GLIS3: variants seen among roughly 807,000 people sequenced by gnomAD.
The protein encoded by GLIS3 is GLIS family zinc finger 3.
In GLIS3, 53 loss-of-function variants were observed where a neutral mutation model predicts 78.6. The observed-to-expected ratio is 0.67, with a 90% CI of 0.54 to 0.85. GLIS3 has a LOEUF of 0.85. GLIS3 is among the 40% of genes least tolerant of loss of function. GLIS3 has a pLI of 0.00. For synonymous variants in GLIS3, 684 were observed against 509.9 expected (o/e 1.34, Z -4.60); for missense variants, 1,703 against 1,231.1 (o/e 1.38, Z -5.74).
At chr9:4,067,959 T>C (rs1429826867) in intron 4 of GLIS3, among the ~76,000 whole-genome samples, 1 of 152,124 alleles carries the variant, frequency 6.6e-6, no homozygotes, top group Non-Finnish European at 1.5e-5. Flanking sequence ...TCATCATTCT[T>C]GGGTAAAGAT....
chr9:4,113,506 T>C lies in GLIS3; in HGVS notation c.1710+4262A>G, dbSNP rs756974951. ...TTATTGATACTTGGTATTATGATAA[T>C]TTATTCATTATTGCCAATATGAGGA... On this transcript the variant is annotated intron_variant, in intron 4 of 10. Coordinates refer to ENST00000381971, the MANE Select transcript of GLIS3 (RefSeq NM_001042413.2). 7.9e-4 allele frequency among the ~76,000 whole-genome samples: 121 copies of C among 152,202 alleles called. 1 individual carries two copies. The highest frequency in any genetic ancestry group is 2.4e-4 in the Non-Finnish European group (16 of 68,038).
intron 2 of GLIS3, among the ~76,000 whole-genome samples, chr9:4,272,677 C>T (rs1008075041): frequency 4.6e-5 from 7 of 152,182 alleles, no homozygotes; most frequent in African/African-American, 7.2e-5. Context: ...GTGTGTTTTA[C>T]GTAATACACT....
the GLIS3 span, among the ~76,000 whole-genome samples, chr9:4,358,822 G>T: frequency 6.6e-6 from 1 of 152,150 alleles, no homozygotes; most frequent in Non-Finnish European, 1.5e-5. Flanking sequence ...TGTGTAAAAG[G>T]TCCCTGTAAG....
chr9:3,906,580 G>A (rs911129735), intron 6 of GLIS3, among the ~76,000 whole-genome samples: 1 of 152,126 alleles, frequency 6.6e-6, no homozygotes, highest in African/African-American at 2.4e-5. Flanking sequence ...CATCCAGGCG[G>A]AGAGAACCTG....
intron 2 of GLIS3, among the ~76,000 whole-genome samples, chr9:4,165,474 T>C (rs1173193495): frequency 2.0e-5 from 3 of 152,196 alleles, no homozygotes; most frequent in Non-Finnish European, 4.4e-5. Context: ...CCTACATTCT[T>C]TTCCATGGGG....
chr9:3,975,555 G>A (rs1250327132), intron 4 of GLIS3, among the ~76,000 whole-genome samples: 1 of 147,176 alleles, frequency 6.8e-6, no homozygotes, highest in Non-Finnish European at 1.5e-5. Flanking sequence ...TTCTGCATTT[G>A]CATTGCATCA....
chr9:4,199,788 T>C (rs903441395), intron 2 of GLIS3, among the ~76,000 whole-genome samples: 1 of 152,090 alleles, frequency 6.6e-6, no homozygotes, highest in African/African-American at 2.4e-5. Context: ...TGTAGTTAAA[T>C]TCAACACTTG....
chr9:4,309,350 A>G (rs186716944), intron 3 of GLIS3, among the ~76,000 whole-genome samples: 79 of 152,338 alleles, frequency 5.2e-4, no homozygotes, highest in Non-Finnish European at 1.0e-3. Context: ...ATACTTTTTT[A>G]AAAAACAAGT....
At chr9:4,012,461 C>T (rs114607524) in intron 4 of GLIS3, among the ~76,000 whole-genome samples, 1 of 152,080 alleles carries the variant, frequency 6.6e-6, no homozygotes, top group African/African-American at 2.4e-5. Flanking sequence ...ACAAAAAAAA[C>T]AGTCAATGAT....
In GLIS3 at chr9:3,829,474, T is replaced by C; in HGVS notation, c.2492A>G (p.Gln831Arg). The change falls in exon 10 of 11, where the codon CAG becomes CGG. Residue 831 changes from glutamine (Q) to arginine (R), a missense_variant. Transcript: ENST00000381971. The stretch of plus-strand genomic sequence containing the variant: ...GGGGTAGTGTGGGGGACAGAACTTC[T>C]GCAGCTGCCCATAAAATCCTGAAAC... ...IHVHGFYGQL[Q>R]KFCPPHYPDS... 6.2e-7 allele frequency: 1 copy of C among 1,614,086 alleles called. No individual in the cohort carries two copies. The highest frequency in any genetic ancestry group is 8.5e-7 in the Non-Finnish European group (1 of 1,179,990).
intron 1 of GLIS3, among the ~76,000 whole-genome samples, chr9:4,291,955 T>A (rs1816017783): frequency 6.6e-6 from 1 of 152,054 alleles, no homozygotes; most frequent in African/African-American, 2.4e-5. Flanking sequence ...TACAGAAAGG[T>A]CTAGAGAGCC....
chr9:4,450,395 G>A, the GLIS3 span, among the ~76,000 whole-genome samples: 2 of 152,170 alleles, frequency 1.3e-5, no homozygotes. Context: ...AAGTGATGGG[G>A]AGAATGGAAC....
At chr9:4,150,997 T>G (rs1834632641) in intron 2 of GLIS3, 1 of 152,158 alleles carries the variant, frequency 6.6e-6, no homozygotes, top group African/African-American at 2.4e-5. Flanking sequence ...TGGCAGATGA[T>G]CGACTCCTAC....
intron 2 of GLIS3, among the ~76,000 whole-genome samples, chr9:4,142,165 G>GA (rs1357160270): frequency 6.6e-6 from 1 of 152,092 alleles, no homozygotes; most frequent in Non-Finnish European, 1.5e-5. Flanking sequence ...ATGCCAGTAT[G>GA]AAAAAATCTA....
At chr9:3,978,536 G>T (rs1043987866) in intron 4 of GLIS3, among the ~76,000 whole-genome samples, 2 of 151,806 alleles carry the variant, frequency 1.3e-5, no homozygotes, top group South Asian at 2.1e-4. Flanking sequence ...CTATTGCATT[G>T]TATAAATAAT....
chr9:4,148,491 C>G (rs781549363), intron 2 of GLIS3, among the ~76,000 whole-genome samples: 1 of 152,124 alleles, frequency 6.6e-6, no homozygotes, highest in Non-Finnish European at 1.5e-5. Context: ...CCTCTAAACT[C>G]CCACATAGTT....
intron 6 of GLIS3, among the ~76,000 whole-genome samples, chr9:3,929,972 T>G (rs929234641): frequency 6.6e-6 from 1 of 152,192 alleles, no homozygotes; most frequent in African/African-American, 2.4e-5. Context: ...GTAACAACAT[T>G]GTACCATGTA....
intron 4 of GLIS3, among the ~76,000 whole-genome samples, chr9:4,045,148 C>T (rs367892322): frequency 1.3e-5 from 2 of 152,116 alleles, no homozygotes; most frequent in South Asian, 4.1e-4. Context: ...CTGACATTTA[C>T]TGATTCAATT....
At chr9:4,015,485 A>C (rs901037003) in intron 4 of GLIS3, among the ~76,000 whole-genome samples, 1 of 152,232 alleles carries the variant, frequency 6.6e-6, no homozygotes, top group African/African-American at 2.4e-5. Flanking sequence ...ATAACATGCT[A>C]TCTGAAAACT....
Sources: allele counts gnomAD v4.1 joint callset (sites outside exome capture counted in the v4.1 genomes callset), GRCh38; gene constraint gnomAD v4.1.1; transcripts MANE v1.5; gene names NCBI Gene and HGNC (gene_info 2026-07-23, HGNC 2026-07-21).